Variants in MCM7 observed in about 807,000 individuals in gnomAD.
The protein encoded by MCM7 is DNA replication licensing factor MCM7.
MCM7 carries 95 observed loss-of-function variants against 83.5 expected under a neutral mutation model. That is an observed-to-expected ratio of 1.14 (90% confidence interval 0.96 to 1.35). The LOEUF is 1.35. Ranked by LOEUF, MCM7 falls within the 40% of genes most tolerant of loss-of-function variation. MCM7 has a pLI of 0.00. For synonymous variants in MCM7, 461 were observed against 352.7 expected, an observed-to-expected ratio of 1.31 and a Z score of -3.44; for missense variants, 1,087 against 957.4, an observed-to-expected ratio of 1.14 and a Z score of -1.79.
chr7:100,095,377 G>C lies in MCM7; in HGVS notation c.1679+10C>G. On this transcript the variant is annotated intron_variant, in intron 12 of 14. Coordinates refer to ENST00000303887, the MANE Select transcript of MCM7 (RefSeq NM_005916.5). ...GCCAACGTTTGCCCACCCGCACCCA[G>C]CTCTCCTACCTCATGAGCTTCATGT... 1 of 1,610,726 alleles carries C rather than the reference G, an allele frequency of 6.2e-7. No homozygotes were observed. The highest frequency in any genetic ancestry group is 8.5e-7 in the Non-Finnish European group (1 of 1,178,792).
rs1037560365 is a variant in MCM7, at chr7:100,100,019, G to A, written c.106C>T (p.Gln36Ter). Residue 36 changes from glutamine (Q) to a stop codon, truncating the protein, a stop_gained, in exon 2 of 15, where the codon CAG (glutamine) becomes TAG (stop). Transcript: ENST00000303887. LOFTEE classifies it high-confidence loss of function. ...LGKKQFKYGN[Q>*]LVRLAHREQV... is the part of the protein sequence containing the mutation. The stretch of plus-strand genomic sequence containing the variant: ...TTACCCAATCTTAGACTTACCAACT[G>A]GTTCCCATACTTGAACTGCTTCTTC... 9.3e-6 allele frequency: 15 copies of A among 1,613,608 alleles called. No individual in the cohort carries two copies. The highest frequency in any genetic ancestry group is 1.2e-5 in the Non-Finnish European group (14 of 1,179,616).
Position 100,096,067 on chromosome 7 carries a change from C to CA in MCM7, c.1301dup (p.Val435GlyfsTer4). 6.2e-7 allele frequency: 1 copy of CA among 1,614,084 alleles called. No individual in the cohort carries two copies. Among genetic ancestry groups the CA allele is most frequent in the East Asian group, 2.2e-5 (1 of 44,880 alleles). On this transcript the variant is annotated frameshift_variant, in exon 11 of 15. Coordinates refer to ENST00000303887, the MANE Select transcript of MCM7 (RefSeq NM_005916.5). LOFTEE classifies it high-confidence loss of function. ...AGCACACACCCTGGTCAGCCAGCAC[C>CA]AGGGCCCCACCCTCTAAGGTCAGTT... is the stretch of plus-strand genomic sequence containing the variant.
intron 13 of MCM7, 154 bp downstream of exon 13, chr7:100,094,019 T>C (rs948208677): frequency 3.1e-6 from 3 of 967,528 alleles, no homozygotes; most frequent in Non-Finnish European, 5.1e-6. Context: ...GTACCCACAG[T>C]GCGGTAGCAC....
In MCM7 at chr7:100,099,418, C is replaced by CAAAAAAAAAAAAAGAAAAAA; in HGVS notation, c.277-16_277-15insTTTTTTCTTTTTTTTTTTTT. 7.7e-7 allele frequency: 1 copy of CAAAAAAAAAAAAAGAAAAAA among 1,302,352 alleles called. No individual in the cohort carries two copies. Among genetic ancestry groups the CAAAAAAAAAAAAAGAAAAAA allele is most frequent in the Non-Finnish European group, 9.9e-7 (1 of 1,013,602 alleles). 80.7% of individuals were successfully genotyped at this position (1,302,352 alleles called of 1,614,324 possible). The stretch of plus-strand genomic sequence containing the variant: ...TTATTTACCACCTAAAGGAGAAGAA[C>CAAAAAAAAAAAAAGAAAAAA]AAAAAAAAAAAAAAAAAAGAGCAAC... On this transcript the variant is annotated splice_polypyrimidine_tract_variant and intron_variant, in intron 3 of 14. Transcript: ENST00000303887.
chr7:100,099,045 C>G lies in MCM7; in HGVS notation c.560G>C (p.Cys187Ser). ...MVVATYTCDQ[C>S]GAETYQPIQS... The stretch of plus-strand genomic sequence containing the variant: ...TACCGGCTGGTAGGTCTCTGCCCCA[C>G]ACTGGTCACAAGTGTAAGTGGCCAC... Residue 187 changes from cysteine (C) to serine (S), a missense_variant, in exon 5 of 15, where the codon TGT (cysteine) becomes TCT (serine). Coordinates refer to ENST00000303887, the MANE Select transcript of MCM7 (RefSeq NM_005916.5). 6.2e-7 allele frequency: 1 copy of G among 1,614,218 alleles called. No individual in the cohort carries two copies. Among genetic ancestry groups the G allele is most frequent in the East Asian group, 2.2e-5 (1 of 44,892 alleles).
chr7:100,096,493 C>T (rs971069767), intron 10 of MCM7, among the ~76,000 whole-genome samples: 12 of 152,198 alleles, frequency 7.9e-5, no homozygotes, highest in African/African-American at 1.4e-4. Flanking sequence ...TAGTAGAGGC[C>T]GGGCGCAGTG....
chr7:100,098,601 G>A lies in MCM7; in HGVS notation c.697C>T (p.Gln233Ter). ...ACATGTTCTTGCATCTTCATCTCCT[G>A]GAATTTGATGAATCTGGAGCCCCGT... is the stretch of plus-strand genomic sequence containing the variant. ...QTRGSRFIKFQEMKMQEHSDQ... is the reference protein window; with the variant it reads ...QTRGSRFIKF The change falls in exon 6 of 15, where the codon CAG becomes TAG. Residue 233 changes from glutamine to a stop codon, truncating the protein, a stop_gained. Coordinates refer to ENST00000303887, the MANE Select transcript of MCM7 (RefSeq NM_005916.5). LOFTEE classifies it high-confidence loss of function. 4 of 1,614,184 alleles carry A rather than the reference G, an allele frequency of 2.5e-6. No individual in the cohort carries two copies. The highest frequency in any genetic ancestry group is 3.4e-6 in the Non-Finnish European group (4 of 1,180,046).
rs757127864 is a variant in MCM7 at position 100,098,159 on chromosome 7, C to A, written c.852G>T (p.Gly284=). 9 of 1,613,960 alleles carry A rather than the reference C, an allele frequency of 5.6e-6. No individual in the cohort carries two copies. Among genetic ancestry groups the A allele is most frequent in the Non-Finnish European group, 7.6e-6 (9 of 1,180,008 alleles). ...TGIFLPILRT[G]FRQVVQGLLS... The stretch of plus-strand genomic sequence containing the variant: ...TCCTTACCTGTACCACCTGTCGGAA[C>A]CCAGTGCGCAGGATTGGCAAGAAAA... The change falls in exon 7 of 15, where the codon GGG becomes GGT. Residue 284 remains glycine (G), a synonymous_variant. Transcript: ENST00000303887.
intron 13 of MCM7, 185 bp downstream of exon 13, chr7:100,093,988 C>T (rs756041726): frequency 6.2e-6 from 5 of 807,842 alleles, no homozygotes; most frequent in Admixed American, 3.8e-5. Context: ...GGACGCTGTG[C>T]GTGCCCTGCT....
chr7:100,101,230 C>A, intron 1 of MCM7, 34 bp downstream of exon 1: 7 of 1,612,544 alleles, frequency 4.3e-6, no homozygotes, highest in Non-Finnish European at 5.9e-6. Flanking sequence ...AGGCTCCCCG[C>A]GCAGGACGCC....
chr7:100,099,925 G>T (rs888492926), intron 2 of MCM7, 89 bp downstream of exon 2: 1 of 1,443,266 alleles, frequency 6.9e-7, no homozygotes, highest in Admixed American at 1.8e-5. Context: ...CCCTCTAATT[G>T]TTATGTCTTT....
rs1795396396 is a variant in MCM7, at chr7:100,093,060, A to G, written c.2032T>C (p.Ser678Pro). 6.2e-7 allele frequency: 1 copy of G among 1,614,146 alleles called. No homozygotes were observed. The highest frequency in any genetic ancestry group is 8.5e-7 in the Non-Finnish European group (1 of 1,180,054). ...GATACACAGCGCTGCTCTGCCTCAGAGAACCGGACACTTCGGCCCCCTGAG... is the reference window on the plus strand; with the variant it reads ...GATACACAGCGCTGCTCTGCCTCAGGGAACCGGACACTTCGGCCCCCTGAG... ...LVSGGRSVRFSEAEQRCVSRG... is the reference protein window; with the variant it reads ...LVSGGRSVRFPEAEQRCVSRG... The change falls in exon 15 of 15, where the codon TCT becomes CCT. Residue 678 changes from serine to proline, a missense_variant. Transcript: ENST00000303887.
chr7:100,097,533 T>C (rs1795703105), intron 9 of MCM7, 81 bp downstream of exon 9: 8 of 1,602,608 alleles, frequency 5.0e-6, no homozygotes, highest in Non-Finnish European at 6.8e-6. Flanking sequence ...ACTCATACTG[T>C]GACCTACAGG....
chr7:100,094,486 A>G, intron 12 of MCM7, 145 bp from the exon 13 acceptor site: 2 of 866,388 alleles, frequency 2.3e-6, no homozygotes, highest in Middle Eastern at 3.5e-4. Flanking sequence ...TTAGTGGGTG[A>G]TTATTTGCTT....
intron 10 of MCM7, 36 bp downstream of exon 10, chr7:100,097,265 C>G: frequency 6.3e-7 from 1 of 1,577,146 alleles, no homozygotes; most frequent in Non-Finnish European, 8.7e-7. Context: ...TCCTGTCTGT[C>G]ACTATATTCA....
chr7:100,095,744 A>G, intron 11 of MCM7, 30 bp downstream of exon 11: 7 of 1,537,874 alleles, frequency 4.6e-6, no homozygotes, highest in Non-Finnish European at 6.1e-6. Context: ...ATTACAGGGG[A>G]CCTCTCTTTG....
rs774837380 is a variant in MCM7 at position 100,093,248 on chromosome 7, A to G, written c.1958+44T>C. On this transcript the variant is annotated intron_variant, in intron 14 of 14. Coordinates refer to ENST00000303887, the MANE Select transcript of MCM7 (RefSeq NM_005916.5). ...AGGCCAACCTCAGACACATGGCCAC[A>G]GAAGACAAAGTGACACAGCTTTGTC... The G allele has an allele frequency of 4.4e-6, 7 of 1,599,976 alleles. No homozygotes were observed. The South Asian group carries it at 7.7e-5, about 18-fold the overall frequency.
At position 100,098,283 on chromosome 7, in the gene MCM7, T is replaced by C. The variant is rs750808300; in HGVS notation, c.728A>G (p.Gln243Arg). The stretch of plus-strand genomic sequence containing the variant: ...ACGAGGGATATTTCCCACAGGCACC[T>C]GATCACTCTAGGGGAGGGAAAGGCA... ...QEMKMQEHSD[Q>R]VPVGNIPRSI... The change falls in exon 7 of 15, where the codon CAG (glutamine) becomes CGG (arginine). Residue 243 changes from glutamine (Q) to arginine (R), a missense_variant. By Grantham distance (43) the Gln-to-Arg change is conservative. Coordinates refer to ENST00000303887, the MANE Select transcript of MCM7 (RefSeq NM_005916.5). The C allele has an allele frequency of 2.5e-6, 4 of 1,613,970 alleles. No homozygotes were observed. The East Asian group carries it at 8.9e-5, about 36-fold the overall frequency.
rs771816250 is a variant in MCM7 at position 100,096,072 on chromosome 7, C to T, written c.1297G>A (p.Ala433Thr). ...VSGELTLEGG[A>T]LVLADQGVCC... ...ACACCCTGGTCAGCCAGCACCAGGG[C>T]CCCACCCTCTAAGGTCAGTTCTCCA... Residue 433 changes from alanine (A) to threonine (T), a missense_variant, in exon 11 of 15, where the codon GCC becomes ACC. Coordinates refer to ENST00000303887, the MANE Select transcript of MCM7 (RefSeq NM_005916.5). The T allele has an allele frequency of 1.9e-6, 3 of 1,614,102 alleles. No homozygotes were observed. The South Asian group carries it at 3.3e-5, about 18-fold the overall frequency.
Sources: gnomAD v4.1 joint callset for allele counts (sites outside exome capture counted in the v4.1 genomes callset) on GRCh38, gnomAD v4.1.1 for gene constraint, MANE v1.5 for transcripts, NCBI Gene and HGNC (gene_info 2026-07-23, HGNC 2026-07-21) for gene names.